KCNH1: variants seen among roughly 807,000 people sequenced by gnomAD.
KCNH1 encodes the protein voltage-gated delayed rectifier potassium channel KCNH1.
KCNH1 carries 27 observed loss-of-function variants against 69.2 expected under a neutral mutation model. The observed-to-expected ratio is 0.39, with a 90% CI of 0.29 to 0.54. The LOEUF (loss-of-function observed/expected upper bound fraction) is 0.54. Among genes scored for constraint, KCNH1 ranks in the 20% least tolerant of loss-of-function variants. The pLI, the probability that KCNH1 is intolerant of heterozygous loss-of-function variation, is 0.68. For missense variants in KCNH1, 798 were observed against 1,261.6 expected (o/e 0.63, Z 5.57); for synonymous variants, 456 against 487.7 (o/e 0.93, Z 0.86).
chr1:211,070,405 G>A (rs1336054111), intron 5 of KCNH1, among the ~76,000 whole-genome samples: 5 of 141,858 alleles, frequency 3.5e-5, no homozygotes, highest in African/African-American at 1.3e-4. Flanking sequence ...GCGACAGAGC[G>A]AGACTCCACC....
At chr1:211,070,027 C>G (rs1425013696) in intron 5 of KCNH1, among the ~76,000 whole-genome samples, 1 of 151,882 alleles carries the variant, frequency 6.6e-6, no homozygotes. Flanking sequence ...AAGACAAGAA[C>G]AAAAGAAATA....
intron 10 of KCNH1, among the ~76,000 whole-genome samples, chr1:210,716,839 C>T (rs976744201): frequency 2.6e-5 from 4 of 152,120 alleles, no homozygotes; most frequent in Admixed American, 6.5e-5. Context: ...TAGATAATCA[C>T]GAGTTGCTAT....
chr1:210,895,951 C>T (rs918445085), intron 7 of KCNH1, among the ~76,000 whole-genome samples: 1 of 152,096 alleles, frequency 6.6e-6, no homozygotes, highest in Non-Finnish European at 1.5e-5. Flanking sequence ...GGTAATATTG[C>T]AGACAACCAC....
At chr1:210,917,229 G>A (rs4477347) in intron 7 of KCNH1, among the ~76,000 whole-genome samples, 22,333 of 78,124 alleles carry the variant, frequency 0.29, 3,249 homozygotes, top group Middle Eastern at 0.34. Context: ...GAGAGAGAGA[G>A]AGAAAGAAAG....
At chr1:210,873,070 T>C (rs1411825285) in intron 7 of KCNH1, among the ~76,000 whole-genome samples, 1 of 152,208 alleles carries the variant, frequency 6.6e-6, no homozygotes, top group Non-Finnish European at 1.5e-5. Flanking sequence ...GAATTGTCCA[T>C]TTTCTCATTT....
chr1:210,836,111 CAAAAAAAAA>C (rs776429016), intron 7 of KCNH1, among the ~76,000 whole-genome samples: 6 of 93,376 alleles, frequency 6.4e-5, no homozygotes, highest in African/African-American at 2.8e-4. Context: ...GTCTCCGTCT[CAAAAAAAAA>C]AAAAAAAAAA....
chr1:211,050,759 T>C (rs1690190759), intron 5 of KCNH1, among the ~76,000 whole-genome samples: 1 of 152,190 alleles, frequency 6.6e-6, no homozygotes. Context: ...ATGAATAGTT[T>C]TCCATTATCC....
chr1:210,773,575 G>C (rs932745062), intron 10 of KCNH1, among the ~76,000 whole-genome samples: 2 of 152,238 alleles, frequency 1.3e-5, no homozygotes, highest in Admixed American at 6.5e-5. Flanking sequence ...GAAGACAAAG[G>C]GTTGTTTCCT....
At chr1:211,124,012 A>G (rs561697111) in intron 1 of KCNH1, among the ~76,000 whole-genome samples, 1 of 152,314 alleles carries the variant, frequency 6.6e-6, no homozygotes, top group South Asian at 2.1e-4. Context: ...ACTGTCCCGG[A>G]GTGTTCCAGC....
chr1:210,897,424 C>T (rs1686892444), intron 7 of KCNH1, among the ~76,000 whole-genome samples: 1 of 152,162 alleles, frequency 6.6e-6, no homozygotes, highest in Admixed American at 6.5e-5. Flanking sequence ...CGGGAGCTTA[C>T]ATAGGATCTA....
chr1:210,978,801 C>T (rs2102375177), intron 6 of KCNH1, among the ~76,000 whole-genome samples: 1 of 152,268 alleles, frequency 6.6e-6, no homozygotes, highest in East Asian at 1.9e-4. Context: ...CATCTCAAGC[C>T]CATAAGGCTT....
intron 3 of KCNH1, among the ~76,000 whole-genome samples, chr1:211,102,047 T>C (rs766464083): frequency 6.6e-6 from 1 of 152,198 alleles, no homozygotes; most frequent in Non-Finnish European, 1.5e-5. Flanking sequence ...TTGGTTTACC[T>C]GGGTAGTTCA....
intron 5 of KCNH1, among the ~76,000 whole-genome samples, chr1:211,023,164 T>TAAATAAATA (rs1689621611): frequency 4.2e-4 from 49 of 117,886 alleles, no homozygotes; most frequent in South Asian, 1.7e-3. Flanking sequence ...ATAAATAAAT[T>TAAATAAATA]AAAAATGCTG....
intron 7 of KCNH1, among the ~76,000 whole-genome samples, chr1:210,819,363 G>A (rs1684880515): frequency 6.6e-6 from 1 of 152,116 alleles, no homozygotes; most frequent in Non-Finnish European, 1.5e-5. Context: ...CTTGAACTCA[G>A]AAAGGTCATT....
rs57063242 is a variant in KCNH1, at chr1:211,070,430, A to AACAC, written c.558+12346_558+12349dup. Among the ~76,000 whole-genome samples the AACAC allele has an allele frequency of 1.8e-3, 251 of 137,138 alleles. 2 individuals carry two copies. The highest frequency in any genetic ancestry group is 2.3e-3 in the Admixed American group (32 of 13,776). 90.0% of individuals were successfully genotyped at this position (137,138 alleles called of 152,430 possible). A position where few individuals can be genotyped will look rare whatever the true frequency, so the allele number is the denominator to read the frequency against. The stretch of plus-strand genomic sequence containing the variant: ...GAGACTCCACCTTTAAAAAAAAAAA[A>AACAC]ACACACACACACACACACACACACA... On this transcript the variant is annotated intron_variant, in intron 5 of 10. Coordinates refer to ENST00000271751, the MANE Select transcript of KCNH1 (RefSeq NM_172362.3).
chr1:210,990,141 C>T (rs547473493), intron 6 of KCNH1, among the ~76,000 whole-genome samples: 20 of 152,330 alleles, frequency 1.3e-4, no homozygotes, highest in African/African-American at 4.3e-4. Context: ...TAACTAATTA[C>T]AGCAGCATCT....
intron 10 of KCNH1, among the ~76,000 whole-genome samples, chr1:210,771,349 A>G (rs1241207369): frequency 6.6e-6 from 1 of 152,144 alleles, no homozygotes; most frequent in African/African-American, 2.4e-5. Context: ...TTTTCCCTCC[A>G]AGAATGGAAC....
intron 6 of KCNH1, among the ~76,000 whole-genome samples, chr1:210,980,602 A>T (rs1688689977): frequency 6.6e-6 from 1 of 152,238 alleles, no homozygotes; most frequent in Non-Finnish European, 1.5e-5. Flanking sequence ...CAGAAAGCCC[A>T]GAGGAAAGAA....
intron 6 of KCNH1, among the ~76,000 whole-genome samples, chr1:210,995,561 A>G (rs959776844): frequency 1.3e-5 from 2 of 152,218 alleles, no homozygotes; most frequent in African/African-American, 4.8e-5. Flanking sequence ...AAGGCTGCAG[A>G]ATTCAGATAG....
Sources: allele counts gnomAD v4.1 joint callset (sites outside exome capture counted in the v4.1 genomes callset), GRCh38; gene constraint gnomAD v4.1.1; transcripts MANE v1.5; gene names NCBI Gene and HGNC (gene_info 2026-07-23, HGNC 2026-07-21).